The following SUPT20H variants were observed in gnomAD, a reference collection of about 807,000 sequenced individuals.
SUPT20H encodes SPT20 homolog, SAGA complex component.
A neutral mutation model predicts 122.8 loss-of-function variants in SUPT20H; 82 were observed. That is an observed-to-expected ratio of 0.67 (90% CI 0.56 to 0.80). The LOEUF is 0.80. SUPT20H is among the 30% of genes least tolerant of loss of function. SUPT20H has a pLI of 0.00. For missense variants in SUPT20H, 831 were observed against 921.6 expected (o/e 0.90, Z 1.27); for synonymous variants, 291 against 313.0 (o/e 0.93, Z 0.74).
chr13:37,045,681 T>C (rs2066297984), intron 5 of SUPT20H, among the ~76,000 whole-genome samples: 1 of 152,160 alleles, frequency 6.6e-6, no homozygotes, highest in African/African-American at 2.4e-5. Context: ...TAAAAATATT[T>C]AAATAAGTAG....
intron 23 of SUPT20H, among the ~76,000 whole-genome samples, chr13:37,014,602 A>G (rs775966153): frequency 6.6e-6 from 1 of 152,178 alleles, no homozygotes; most frequent in Non-Finnish European, 1.5e-5. Flanking sequence ...GAAATCAAAC[A>G]TATCTAAATA....
chr13:37,043,990 T>C (rs1189674197), intron 7 of SUPT20H, 88 bp downstream of exon 7: 4 of 740,194 alleles, frequency 5.4e-6, no homozygotes, highest in African/African-American at 3.6e-5. Context: ...TTTATATACA[T>C]ATATGTATAC....
chr13:37,020,603 A>C (rs1236655753), intron 21 of SUPT20H, among the ~76,000 whole-genome samples: 11 of 152,206 alleles, frequency 7.2e-5, no homozygotes, highest in Non-Finnish European at 1.6e-4. Flanking sequence ...TCTCGCACTA[A>C]GGCACACTTA....
chr13:37,021,399 A>G, intron 21 of SUPT20H, 49 bp downstream of exon 21: 1 of 1,518,608 alleles, frequency 6.6e-7, no homozygotes, highest in Non-Finnish European at 8.9e-7. Context: ...TTTTTACTTT[A>G]GCATATACTT....
chr13:37,031,702 G>A, intron 11 of SUPT20H, 37 bp downstream of exon 11: 1 of 1,554,242 alleles, frequency 6.4e-7, no homozygotes. Flanking sequence ...ACAGGCTTTT[G>A]GGCATAATAA....
Position 37,010,664 on chromosome 13 carries a change from AG to A in SUPT20H, c.2099-10del. ...GCCAAGCTGAGACAACACTACAGAG[AG>A]GAGAAGGGGAAAGCAGGCCAGTCAA... On this transcript the variant is annotated splice_polypyrimidine_tract_variant and intron_variant, in intron 24 of 25. Coordinates refer to ENST00000350612, the MANE Select transcript of SUPT20H (RefSeq NM_001014286.3). 1 of 1,611,358 alleles carries A rather than the reference AG, an allele frequency of 6.2e-7. No homozygotes were observed. The highest frequency in any genetic ancestry group is 8.5e-7 in the Non-Finnish European group (1 of 1,177,936).
At position 37,024,149 on chromosome 13, in the gene SUPT20H, G is replaced by C. The variant is rs1240199808; in HGVS notation, c.1477C>G (p.Pro493Ala). ...PQQTSSFLKS[P>A]TPPPSSKPSS... is the part of the protein sequence containing the mutation. ...GGCTTAGAAGAAGGAGGAGGAGTTG[G>C]AGATTTGAGAAAGCTGCTTGTCTGT... Residue 493 changes from proline (P) to alanine (A), a missense_variant, in exon 19 of 26, where the codon CCA (proline) becomes GCA (alanine). Pro to Ala is a conservative substitution (Grantham distance 27). Coordinates refer to ENST00000350612, the MANE Select transcript of SUPT20H (RefSeq NM_001014286.3). The C allele has an allele frequency of 1.4e-5, 22 of 1,613,598 alleles. No homozygotes were observed. The highest frequency in any genetic ancestry group is 1.7e-5 in the Non-Finnish European group (20 of 1,179,762).
At chr13:37,031,674 C>T (rs774586239) in intron 11 of SUPT20H, 51 bp from the exon 12 acceptor site, 1 of 1,538,374 alleles carries the variant, frequency 6.5e-7, no homozygotes, top group Non-Finnish European at 8.7e-7. Context: ...TATAAATATA[C>T]TGAAAATGCT....
chr13:37,017,597 T>C (rs974770025), intron 22 of SUPT20H, among the ~76,000 whole-genome samples: 2 of 152,202 alleles, frequency 1.3e-5, no homozygotes, highest in African/African-American at 4.8e-5. Flanking sequence ...TAAACATAAA[T>C]TTTTCTGCTT....
intron 12 of SUPT20H, among the ~76,000 whole-genome samples, chr13:37,031,302 T>G (rs919842712): frequency 6.6e-6 from 1 of 152,110 alleles, no homozygotes; most frequent in Non-Finnish European, 1.5e-5. Context: ...TAAAATTGTT[T>G]TACTATTCCT....
At chr13:37,041,894 C>A (rs576625846) in intron 7 of SUPT20H, among the ~76,000 whole-genome samples, 1 of 152,318 alleles carries the variant, frequency 6.6e-6, no homozygotes, top group African/African-American at 2.4e-5. Context: ...AAGGGCTAAT[C>A]TGGATTGTAT....
At chr13:37,023,790 T>C (rs768106749) in intron 19 of SUPT20H, 24 of 332,854 alleles carry the variant, frequency 7.2e-5, no homozygotes, top group Middle Eastern at 7.9e-4. Flanking sequence ...GATGTGTAGG[T>C]TGTAAGCCTA....
At chr13:37,019,284 G>T in intron 22 of SUPT20H, 58 bp downstream of exon 22, 1 of 1,344,878 alleles carries the variant, frequency 7.4e-7, no homozygotes, top group Non-Finnish European at 1.0e-6. Flanking sequence ...GATATACATT[G>T]TTTAGAAAAA....
At chr13:37,037,804 T>G (rs1232316826) in intron 9 of SUPT20H, among the ~76,000 whole-genome samples, 1 of 152,198 alleles carries the variant, frequency 6.6e-6, no homozygotes, top group East Asian at 1.9e-4. Context: ...ATCCTATTAT[T>G]TTGCTTAACC....
chr13:37,028,394 A>T, intron 13 of SUPT20H, 89 bp from the exon 14 acceptor site: 17 of 1,194,882 alleles, frequency 1.4e-5, no homozygotes, highest in Non-Finnish European at 1.9e-5. Context: ...TGATACAGTA[A>T]CATGTATCTG....
At chr13:37,054,105 G>C (rs1330655395) in intron 1 of SUPT20H, among the ~76,000 whole-genome samples, 10 of 152,088 alleles carry the variant, frequency 6.6e-5, no homozygotes, top group Non-Finnish European at 1.2e-4. Context: ...ATAACAGGCT[G>C]TGAAATTGAG....
intron 14 of SUPT20H, among the ~76,000 whole-genome samples, chr13:37,027,121 G>C (rs1024452747): frequency 1.3e-5 from 2 of 151,860 alleles, no homozygotes; most frequent in African/African-American, 4.8e-5. Context: ...TTAAATATAA[G>C]TAATCAATAT....
intron 2 of SUPT20H, among the ~76,000 whole-genome samples, chr13:37,050,392 A>G (rs2067427549): frequency 6.6e-6 from 1 of 151,534 alleles, no homozygotes; most frequent in Admixed American, 6.6e-5. Context: ...CGGATTCCCA[A>G]TGAAACTGGT....
chr13:37,052,160 T>C (rs1380257343), intron 1 of SUPT20H, among the ~76,000 whole-genome samples: 1 of 152,152 alleles, frequency 6.6e-6, no homozygotes, highest in Non-Finnish European at 1.5e-5. Context: ...TTAACTTTCT[T>C]CACAAAACTA....
Sources: gnomAD v4.1 joint callset for allele counts (sites outside exome capture counted in the v4.1 genomes callset) on GRCh38, gnomAD v4.1.1 for gene constraint, MANE v1.5 for transcripts, NCBI Gene and HGNC (gene_info 2026-07-23, HGNC 2026-07-21) for gene names.